The following GRXCR1 variants were observed in gnomAD, a reference collection of about 807,000 sequenced individuals.
GRXCR1 encodes glutaredoxin domain-containing cysteine-rich protein 1.
GRXCR1 carries 27 observed loss-of-function variants against 27.3 expected under a neutral mutation model. That is an observed-to-expected ratio of 0.99 (90% CI 0.73 to 1.37). The LOEUF (loss-of-function observed/expected upper bound fraction) is 1.37. Among genes scored for constraint, GRXCR1 ranks in the 40% most tolerant of loss-of-function variants. The pLI is 0.00. For missense variants in GRXCR1, 379 were observed against 354.4 expected (o/e 1.07, Z -0.56); for synonymous variants, 122 against 131.1 (o/e 0.93, Z 0.47).
chr4:43,012,925 A>C (rs757941097), intron 2 of GRXCR1, among the ~76,000 whole-genome samples: 78 of 152,318 alleles, frequency 5.1e-4, no homozygotes, highest in Admixed American at 7.8e-4. Context: ...ACATGCAAGC[A>C]GACAACAAAC....
intron 2 of GRXCR1, among the ~76,000 whole-genome samples, chr4:43,002,777 T>C (rs906764852): frequency 6.6e-6 from 1 of 152,170 alleles, no homozygotes; most frequent in Non-Finnish European, 1.5e-5. Context: ...AAGATGATAA[T>C]TTATCTTGAT....
chr4:43,009,676 A>G (rs1712676209), intron 2 of GRXCR1, among the ~76,000 whole-genome samples: 1 of 152,146 alleles, frequency 6.6e-6, no homozygotes, highest in Non-Finnish European at 1.5e-5. Flanking sequence ...TAGAAGGCAC[A>G]AAGCAGCTCT....
intron 2 of GRXCR1, among the ~76,000 whole-genome samples, chr4:43,016,602 A>T (rs1239764851): frequency 6.6e-6 from 1 of 151,284 alleles, no homozygotes; most frequent in Non-Finnish European, 1.5e-5. Flanking sequence ...CCAAAAGTAC[A>T]TTTCCTCAGT....
rs571365706 is a variant in GRXCR1 at position 42,933,251 on chromosome 4, G to A, written c.385-29641G>A. Among the ~76,000 whole-genome samples the A allele has an allele frequency of 6.6e-5, 10 of 152,004 alleles. No homozygotes were observed. The East Asian group carries it at 1.6e-3, about 24-fold the overall frequency. ...GAGGGTAGTGACACAGGAGGCTACA[G>A]TTTTTCTAAAACCAGTGCTTTATGG... On this transcript the variant is annotated intron_variant, in intron 1 of 3. Transcript: ENST00000399770.
At chr4:42,976,960 A>G (rs1408877624) in intron 2 of GRXCR1, among the ~76,000 whole-genome samples, 2 of 152,068 alleles carry the variant, frequency 1.3e-5, no homozygotes, top group East Asian at 3.9e-4. Context: ...CAATATCTCT[A>G]CAATTATCCA....
intron 1 of GRXCR1, among the ~76,000 whole-genome samples, chr4:42,906,969 G>A (rs770644650): frequency 6.6e-6 from 1 of 152,052 alleles, no homozygotes; most frequent in Non-Finnish European, 1.5e-5. Flanking sequence ...GATCTCCTTC[G>A]TGTTAAATTG....
At chr4:42,949,935 A>G (rs1747842179) in intron 1 of GRXCR1, among the ~76,000 whole-genome samples, 1 of 152,146 alleles carries the variant, frequency 6.6e-6, no homozygotes, top group Non-Finnish European at 1.5e-5. Flanking sequence ...TCTTCATCAC[A>G]CTGACATTTA....
chr4:43,026,985 T>C (rs1027900527), intron 3 of GRXCR1, among the ~76,000 whole-genome samples: 3 of 152,226 alleles, frequency 2.0e-5, no homozygotes, highest in Non-Finnish European at 2.9e-5. Flanking sequence ...TTACTCTCCC[T>C]TTCTTACAGT....
At chr4:42,980,412 G>T (rs1180904115) in intron 2 of GRXCR1, among the ~76,000 whole-genome samples, 1 of 151,676 alleles carries the variant, frequency 6.6e-6, no homozygotes, top group African/African-American at 2.4e-5. Flanking sequence ...GATTTTTCAG[G>T]AATAATTTTT....
rs865830820 is a variant in GRXCR1, at chr4:42,928,390, G to A, written c.385-34502G>A. ...ATGTTCAGGAAGCTTGGTTCCTTAT[G>A]TCTCTCCATTTCCTCTTGAGAGAGG... On this transcript the variant is annotated intron_variant, in intron 1 of 3. Transcript: ENST00000399770. Among the ~76,000 whole-genome samples the A allele has an allele frequency of 1.0e-3, 154 of 152,096 alleles. 2 individuals are homozygous for A. The highest frequency in any genetic ancestry group is 3.5e-3 in the African/African-American group (147 of 41,526).
At chr4:42,972,844 C>A (rs559481519) in intron 2 of GRXCR1, among the ~76,000 whole-genome samples, 1 of 152,142 alleles carries the variant, frequency 6.6e-6, no homozygotes, top group East Asian at 1.9e-4. Flanking sequence ...TTGACAATGG[C>A]CTTCAGTTCT....
intron 2 of GRXCR1, among the ~76,000 whole-genome samples, chr4:42,965,816 G>A (rs997970196): frequency 6.6e-6 from 1 of 151,994 alleles, no homozygotes; most frequent in South Asian, 2.1e-4. Context: ...CAGACTGGGG[G>A]AGATGGGACG....
intron 2 of GRXCR1, among the ~76,000 whole-genome samples, chr4:42,987,192 C>G (rs1711754643): frequency 1.0e-5 from 1 of 99,088 alleles, no homozygotes; most frequent in African/African-American, 3.8e-5. Flanking sequence ...AGTATGATTT[C>G]ATAGTTTTCA....
intron 1 of GRXCR1, among the ~76,000 whole-genome samples, chr4:42,950,296 T>A (rs71610035): frequency 0.032 from 4,929 of 152,238 alleles, 89 homozygotes; most frequent in African/African-American, 0.048. Context: ...AACTTGAATA[T>A]TTTAACAAAT....
chr4:42,897,726 T>A (rs1204166206), intron 1 of GRXCR1, among the ~76,000 whole-genome samples: 1 of 152,044 alleles, frequency 6.6e-6, no homozygotes, highest in Admixed American at 6.6e-5. Context: ...CTGAGAGGTA[T>A]GAGCTGTGTG....
intron 2 of GRXCR1, among the ~76,000 whole-genome samples, chr4:42,987,247 TAATATATATATATAA>T (rs1179244352): frequency 1.2e-5 from 1 of 82,388 alleles, no homozygotes; most frequent in Non-Finnish European, 2.4e-5. Flanking sequence ...ATATAATATA[TAATATATATATATAA>T]TATATATATA....
At chr4:42,959,556 A>G (rs1748083271) in intron 1 of GRXCR1, among the ~76,000 whole-genome samples, 1 of 151,974 alleles carries the variant, frequency 6.6e-6, no homozygotes, top group South Asian at 2.1e-4. Flanking sequence ...ATTTTACCGC[A>G]AAAATGTAGC....
At chr4:42,979,592 G>C (rs1204312488) in intron 2 of GRXCR1, among the ~76,000 whole-genome samples, 1 of 151,952 alleles carries the variant, frequency 6.6e-6, no homozygotes, top group Non-Finnish European at 1.5e-5. Context: ...AGAAATATTG[G>C]CCTATAGTTT....
intron 1 of GRXCR1, among the ~76,000 whole-genome samples, chr4:42,945,122 C>T (rs769274327): frequency 6.6e-5 from 10 of 152,204 alleles, no homozygotes; most frequent in South Asian, 6.2e-4. Context: ...TGTGAAGACA[C>T]GCGGAGAAGA....
Sources: allele counts gnomAD v4.1 joint callset (sites outside exome capture counted in the v4.1 genomes callset), GRCh38; gene constraint gnomAD v4.1.1; transcripts MANE v1.5; gene names NCBI Gene and HGNC (gene_info 2026-07-23, HGNC 2026-07-21).